SLC37A1: variants seen among roughly 807,000 people sequenced by gnomAD.
SLC37A1 encodes the protein solute carrier family 37 member 1.
A neutral mutation model predicts 75.3 loss-of-function variants in SLC37A1; 49 were observed. That is an observed-to-expected ratio of 0.65 (90% CI 0.52 to 0.83). The LOEUF is 0.83. SLC37A1 is among the 40% of genes least tolerant of loss of function. SLC37A1 has a pLI of 0.00. For missense variants in SLC37A1, 566 were observed against 695.0 expected (o/e 0.81, Z 2.09); for synonymous variants, 268 against 292.1 (o/e 0.92, Z 0.84).
chr21:42,522,636 A>G (rs748532716), intron 2 of SLC37A1, among the ~76,000 whole-genome samples: 8 of 152,382 alleles, frequency 5.2e-5, no homozygotes, highest in East Asian at 3.9e-4. Context: ...AAATAGAAGT[A>G]GAGTTGGCCT....
chr21:42,532,501 C>T (rs1182337646), intron 3 of SLC37A1, among the ~76,000 whole-genome samples: 2 of 152,090 alleles, frequency 1.3e-5, no homozygotes, highest in Non-Finnish European at 2.9e-5. Flanking sequence ...GCCCTTTGGG[C>T]GTGGCCAGAT....
At chr21:42,520,635 G>A (rs1204769097) in intron 2 of SLC37A1, among the ~76,000 whole-genome samples, 2 of 152,006 alleles carry the variant, frequency 1.3e-5, no homozygotes, top group Non-Finnish European at 2.9e-5. Flanking sequence ...ATAGAGAAGG[G>A]TGTGTGTGTG....
intron 5 of SLC37A1, among the ~76,000 whole-genome samples, chr21:42,536,406 G>A (rs1313603969): frequency 6.6e-6 from 1 of 152,168 alleles, no homozygotes; most frequent in Non-Finnish European, 1.5e-5. Context: ...GGCAGGTGGT[G>A]AATATTATAT....
At chr21:42,507,083 G>A (rs1241663049) in intron 2 of SLC37A1, among the ~76,000 whole-genome samples, 6 of 151,768 alleles carry the variant, frequency 4.0e-5, no homozygotes, top group South Asian at 4.2e-4. Context: ...GGATTTCATC[G>A]TGTTGCCCAG....
At chr21:42,530,654 A>ACACACACACACACACACACACACACAC (rs1161313598) in intron 3 of SLC37A1, among the ~76,000 whole-genome samples, 1 of 35,880 alleles carries the variant, frequency 2.8e-5, no homozygotes, top group Non-Finnish European at 5.2e-5. Context: ...ACACACACAC[A>ACACACACACACACACACACACACACAC]CCCCCTCTGT....
upstream of SLC37A1, chr21:42,509,359 T>C (rs578121196): frequency 8.5e-5 from 13 of 152,312 alleles, 1 homozygote; most frequent in South Asian, 2.7e-3. This position sits in a 1 kb window ranked among gnomAD's most constrained non-coding sequence, Gnocchi z 4.2. Context: ...ACTCAGTCAT[T>C]GTTGTTCATG....
rs1278609963 is a variant in SLC37A1 at position 42,567,022 on chromosome 21, C to T, written c.1308C>T (p.Pro436=). The T allele has an allele frequency of 6.2e-7, 1 of 1,609,078 alleles. No individual in the cohort carries two copies. The highest frequency in any genetic ancestry group is 8.5e-7 in the Non-Finnish European group (1 of 1,179,950). The change falls in exon 16 of 20, where the codon CCC becomes CCT. Residue 436 remains proline (P), a synonymous_variant. Transcript: ENST00000352133. ...TCAGCGGAGCCCTGGTCAGTGGGCC[C>T]TACACACTCATCACCACCGCCGTCT... ...LLLSGALVSG[P]YTLITTAVSA...
intron 2 of SLC37A1, among the ~76,000 whole-genome samples, chr21:42,518,822 T>C (rs1358587385): frequency 6.6e-6 from 1 of 152,188 alleles, no homozygotes; most frequent in Non-Finnish European, 1.5e-5. Flanking sequence ...CAAATGGCTG[T>C]GGTGAAATAA....
In SLC37A1 at chr21:42,548,775, G is replaced by T. The variant is rs565613495; in HGVS notation, c.768+1635G>T. ...TGTGAAATCCTCACCAGTCCATCTG[G>T]TTGGTCTCTGTCACCCTCACAGAAG... On this transcript the variant is annotated intron_variant, in intron 9 of 19. Transcript: ENST00000352133. This position sits in a 1 kb window ranked among gnomAD's most constrained non-coding sequence, Gnocchi z 5.6. 6.6e-6 allele frequency among the ~76,000 whole-genome samples: 1 copy of T among 152,306 alleles called. No individual in the cohort carries two copies. Among genetic ancestry groups the T allele is most frequent in the East Asian group, 1.9e-4 (1 of 5,164 alleles).
At chr21:42,566,548 C>T (rs945925801) in intron 15 of SLC37A1, among the ~76,000 whole-genome samples, 9 of 152,268 alleles carry the variant, frequency 5.9e-5, no homozygotes, top group Middle Eastern at 3.4e-3. Context: ...AGCTTGCCCA[C>T]AGGAGAGGAA....
intron 10 of SLC37A1, 145 bp downstream of exon 10, chr21:42,554,287 T>C (rs1264940755): frequency 1.1e-5 from 8 of 709,588 alleles, no homozygotes; most frequent in Non-Finnish European, 1.6e-5. Flanking sequence ...ATTGTATTTC[T>C]TCAGTAAAAT....
In SLC37A1 at chr21:42,559,030, C is replaced by G; in HGVS notation, c.922C>G (p.Pro308Ala). 1 of 1,613,878 alleles carries G rather than the reference C, an allele frequency of 6.2e-7. No individual in the cohort carries two copies. The highest frequency in any genetic ancestry group is 8.5e-7 in the Non-Finnish European group (1 of 1,179,922). ...SIHPNHVVIL[P>A]GDGGSGTAAI... ...CCACCCGAACCACGTCGTCATTCTC[C>G]CCGGGGACGGTGGGAGTGGCACGGC... Residue 308 changes from proline to alanine, a missense_variant, in exon 11 of 20, where the codon CCC becomes GCC. By Grantham distance (27) the Pro-to-Ala change is conservative. Coordinates refer to ENST00000352133, the MANE Select transcript of SLC37A1 (RefSeq NM_001320537.2).
chr21:42,570,076 TCATGC>T lies in SLC37A1; in HGVS notation c.1423+1639_1423+1643del, dbSNP rs1369874901. 8.7e-4 allele frequency among the ~76,000 whole-genome samples: 113 copies of T among 130,146 alleles called. 3 individuals carry two copies. The highest frequency in any genetic ancestry group is 2.7e-3 in the South Asian group (10 of 3,724). The allele number at this position is 130,146 out of a possible 152,430, so 85.4% of individuals were successfully genotyped here. A position where few individuals can be genotyped will look rare whatever the true frequency, so the allele number is the denominator to read the frequency against. On this transcript the variant is annotated intron_variant, in intron 17 of 19. Transcript: ENST00000352133. ...GGCGGGCAGGGTGGCCGTTGCCATG[TCATGC>T]GACACACGGCCTGGTTCTGAGAAGT... is the stretch of plus-strand genomic sequence containing the variant.
Position 42,580,417 on chromosome 21 carries a change from A to T in SLC37A1, c.*57A>T. On this transcript the variant is annotated 3_prime_UTR_variant, in exon 20 of 20. Transcript: ENST00000352133. ...GGCCCACCCTTCACAACTGCCTTTC[A>T]AGGACAGTTCAGACAAAGGGCCCTG... 6.3e-7 allele frequency: 1 copy of T among 1,592,944 alleles called. No homozygotes were observed. Among genetic ancestry groups the T allele is most frequent in the East Asian group, 2.2e-5 (1 of 44,578 alleles).
intron 1 of SLC37A1, among the ~76,000 whole-genome samples, chr21:42,499,896 T>C (rs2054325520): frequency 6.6e-6 from 1 of 152,268 alleles, no homozygotes; most frequent in South Asian, 2.1e-4. Context: ...TGCTTCCTGG[T>C]GGGATGGCCT....
intron 9 of SLC37A1, 112 bp from the exon 10 acceptor site, chr21:42,553,950 C>T: frequency 1.4e-6 from 1 of 740,474 alleles, no homozygotes; most frequent in Non-Finnish European, 2.2e-6. Flanking sequence ...TGTCTTATGT[C>T]CTCTTGGTAG....
At chr21:42,536,970 A>G (rs1175984651) in intron 5 of SLC37A1, among the ~76,000 whole-genome samples, 1 of 152,216 alleles carries the variant, frequency 6.6e-6, no homozygotes, top group Non-Finnish European at 1.5e-5. Context: ...TGTGGTCCCA[A>G]GAGGCTTTTG....
intron 17 of SLC37A1, among the ~76,000 whole-genome samples, chr21:42,571,388 GTACATTTCAT>G (rs2056160446): frequency 6.6e-6 from 1 of 152,208 alleles, no homozygotes; most frequent in Non-Finnish European, 1.5e-5. Context: ...TGCCGTTTCT[GTACATTTCAT>G]GCAGAGCAAT....
chr21:42,539,540 A>C lies in SLC37A1; in HGVS notation c.379A>C (p.Arg127=), dbSNP rs754669901. 1 of 1,613,402 alleles carries C rather than the reference A, an allele frequency of 6.2e-7. No homozygotes were observed. Among genetic ancestry groups the C allele is most frequent in the South Asian group, 1.1e-5 (1 of 90,976 alleles). ...SGIIGERLPI[R]YYLTFGMLAS... ...CATCATTGGGGAGCGCCTGCCGATT[A>C]GGTATTACCTAACTTTCGGGATGCT... The change falls in exon 6 of 20, where the codon AGG becomes CGG. Residue 127 remains arginine, a synonymous_variant. Coordinates refer to ENST00000352133, the MANE Select transcript of SLC37A1 (RefSeq NM_001320537.2).
Sources: gnomAD v4.1 joint callset for allele counts (sites outside exome capture counted in the v4.1 genomes callset) on GRCh38, gnomAD v4.1.1 for gene constraint, Gnocchi (gnomAD v3.1) non-coding constraint, MANE v1.5 for transcripts, NCBI Gene and HGNC (gene_info 2026-07-23, HGNC 2026-07-21) for gene names.